Variants in HPSE2 observed in about 807,000 individuals in gnomAD.
HPSE2 encodes the protein inactive heparanase-2.
HPSE2 carries 38 observed loss-of-function variants against 60.5 expected under a neutral mutation model. That is an observed-to-expected ratio of 0.63 (90% CI 0.48 to 0.82). HPSE2 has a LOEUF of 0.82. HPSE2 is among the 40% of genes least tolerant of loss of function. HPSE2 has a pLI of 0.00. For synonymous variants in HPSE2, 295 were observed against 293.2 expected, an observed-to-expected ratio of 1.01 and a Z score of -0.06; for missense variants, 713 against 740.4, an observed-to-expected ratio of 0.96 and a Z score of 0.43.
In HPSE2 at chr10:98,937,287, G is replaced by A. The variant is rs186049874; in HGVS notation, c.611-193231C>T. 3.5e-5 allele frequency among the ~76,000 whole-genome samples: 5 copies of A among 144,632 alleles called. 1 individual carries two copies. The highest frequency in any genetic ancestry group is 3.6e-3 in the Middle Eastern group (1 of 280). The allele number at this position is 144,632 out of a possible 152,430, so 94.9% of individuals were successfully genotyped here. On this transcript the variant is annotated intron_variant, in intron 3 of 11. Transcript: ENST00000370552. ...GCAAGCTGAAGCAGGGCAAGGCATT[G>A]CCTCACTCAGGAAGTGCAAGGAGTC...
intron 6 of HPSE2, among the ~76,000 whole-genome samples, chr10:98,644,556 T>C (rs1946718763): frequency 6.6e-6 from 1 of 152,236 alleles, no homozygotes; most frequent in Admixed American, 6.5e-5. Context: ...GCCTAAAGCA[T>C]GTAAGCTTGC....
At chr10:98,749,947 T>TATATATATATATATATATATATACACAC in intron 3 of HPSE2, among the ~76,000 whole-genome samples, 167 of 98,442 alleles carry the variant, frequency 1.7e-3, no homozygotes, top group Non-Finnish European at 2.9e-3. Flanking sequence ...TATATATATA[T>TATATATATATATATATATATATACACAC]ACACACACAC....
At chr10:98,492,301 G>T (rs1376621193) in intron 9 of HPSE2, among the ~76,000 whole-genome samples, 1 of 152,092 alleles carries the variant, frequency 6.6e-6, no homozygotes, top group Admixed American at 6.5e-5. Context: ...AGGAGATCGA[G>T]ACCATCCTGG....
At chr10:99,054,667 G>C (rs1251974421) in intron 3 of HPSE2, among the ~76,000 whole-genome samples, 1 of 152,180 alleles carries the variant, frequency 6.6e-6, no homozygotes, top group Admixed American at 6.6e-5. Flanking sequence ...CTATTCAGAG[G>C]AAGATAATGG....
intron 6 of HPSE2, among the ~76,000 whole-genome samples, chr10:98,662,961 A>T (rs1947263554): frequency 2.0e-5 from 3 of 152,222 alleles, no homozygotes; most frequent in Admixed American, 2.0e-4. Flanking sequence ...GAACAACTTG[A>T]TGAGACCAAG....
chr10:98,700,859 C>T lies in HPSE2; in HGVS notation c.957-6912G>A, dbSNP rs183919068. 3.1e-5 allele frequency among the ~76,000 whole-genome samples: 2 copies of T among 63,548 alleles called. 1 individual carries two copies. Among genetic ancestry groups the T allele is most frequent in the East Asian group, 2.0e-3 (2 of 1,008 alleles). 41.7% of individuals were successfully genotyped at this position (63,548 alleles called of 152,430 possible). ...GGACATGAACAGACACTTCTCAAGA[C>T]ATTCATGCAGCCAAAAAACACATGA... On this transcript the variant is annotated intron_variant, in intron 5 of 11. Transcript: ENST00000370552.
chr10:99,045,522 C>T (rs1957834910), intron 3 of HPSE2, among the ~76,000 whole-genome samples: 1 of 151,828 alleles, frequency 6.6e-6, no homozygotes, highest in Admixed American at 6.6e-5. Context: ...TGCAAAAATC[C>T]ATATGAAAAA....
chr10:98,563,601 T>C (rs778000356), intron 9 of HPSE2, among the ~76,000 whole-genome samples: 2 of 152,232 alleles, frequency 1.3e-5, no homozygotes, highest in African/African-American at 2.4e-5. Flanking sequence ...AAAAGATGCA[T>C]GTTCCTTAAG....
chr10:99,032,224 C>T (rs1247819392), intron 3 of HPSE2, among the ~76,000 whole-genome samples: 3 of 151,972 alleles, frequency 2.0e-5, no homozygotes, highest in East Asian at 1.9e-4. Flanking sequence ...GCACATAGGG[C>T]AATATTTAGA....
intron 3 of HPSE2, among the ~76,000 whole-genome samples, chr10:98,964,281 A>G (rs1955758224): frequency 6.6e-6 from 1 of 152,122 alleles, no homozygotes; most frequent in Admixed American, 6.5e-5. Context: ...CTGTACAGAA[A>G]TCTAAGCTCT....
intron 3 of HPSE2, among the ~76,000 whole-genome samples, chr10:98,959,159 T>C (rs1357183801): frequency 3.3e-5 from 5 of 152,116 alleles, no homozygotes; most frequent in African/African-American, 9.7e-5. Context: ...TTATAAACAT[T>C]AGCATGAGAT....
rs11189633 is a variant in HPSE2 at position 98,492,489 on chromosome 10, G to A, written c.1321-2293C>T. 7.9e-4 allele frequency among the ~76,000 whole-genome samples: 100 copies of A among 126,626 alleles called. 1 individual carries two copies. In the East Asian group the frequency reaches 0.016, roughly 21 times the overall value. The allele number at this position is 126,626 out of a possible 152,430, so 83.1% of individuals were successfully genotyped here. A position where few individuals can be genotyped will look rare whatever the true frequency, so the allele number is the denominator to read the frequency against. On this transcript the variant is annotated intron_variant, in intron 9 of 11. Coordinates refer to ENST00000370552, the MANE Select transcript of HPSE2 (RefSeq NM_021828.5). ...TGCACTCCAGCCTGGGCAACAGAAC[G>A]AGATTCCGTCTCAAAAAAGACAAAA...
intron 9 of HPSE2, among the ~76,000 whole-genome samples, chr10:98,542,337 T>A (rs1184766172): frequency 6.6e-6 from 1 of 152,002 alleles, no homozygotes; most frequent in Non-Finnish European, 1.5e-5. Flanking sequence ...TACCTCACCA[T>A]CATCAAAGAC....
intron 7 of HPSE2, among the ~76,000 whole-genome samples, chr10:98,640,003 A>C (rs1946597799): frequency 6.6e-6 from 1 of 152,222 alleles, no homozygotes; most frequent in Admixed American, 6.5e-5. Context: ...TGAATGAAGC[A>C]ATAAACAAAT....
chr10:98,737,655 A>G (rs1463707602), intron 4 of HPSE2, among the ~76,000 whole-genome samples: 2 of 152,204 alleles, frequency 1.3e-5, no homozygotes, highest in Non-Finnish European at 2.9e-5. Flanking sequence ...GAGTGCAAAA[A>G]TCACAAGCAT....
intron 3 of HPSE2, among the ~76,000 whole-genome samples, chr10:98,999,391 C>T (rs1956726821): frequency 6.6e-6 from 1 of 152,094 alleles, no homozygotes; most frequent in African/African-American, 2.4e-5. Context: ...ATTTAATCTT[C>T]CCAACATCCT....
At chr10:98,713,976 C>G (rs1948733397) in intron 5 of HPSE2, among the ~76,000 whole-genome samples, 1 of 151,876 alleles carries the variant, frequency 6.6e-6, no homozygotes. Flanking sequence ...CCTTCTATTT[C>G]TATCAACTGT....
chr10:98,658,870 G>A (rs1267871815), intron 6 of HPSE2, among the ~76,000 whole-genome samples: 1 of 150,490 alleles, frequency 6.6e-6, no homozygotes, highest in Non-Finnish European at 1.5e-5. Context: ...GATTTACATC[G>A]TTGTGGTTTC....
At chr10:99,115,686 G>GT (rs1291007363) in intron 3 of HPSE2, among the ~76,000 whole-genome samples, 1 of 151,754 alleles carries the variant, frequency 6.6e-6, no homozygotes, top group East Asian at 1.9e-4. Flanking sequence ...TTCCCATATT[G>GT]TTTTTTTCTG....
Sources: gnomAD v4.1 joint callset for allele counts (sites outside exome capture counted in the v4.1 genomes callset) on GRCh38, gnomAD v4.1.1 for gene constraint, MANE v1.5 for transcripts, NCBI Gene and HGNC (gene_info 2026-07-23, HGNC 2026-07-21) for gene names.